The following ERICH2 variants were observed in gnomAD, a reference collection of about 807,000 sequenced individuals.
The protein encoded by ERICH2 is glutamate rich 2.
In ERICH2, 17 loss-of-function variants were observed where a neutral mutation model predicts 17.4. The ratio of observed to expected loss-of-function variants is 0.98; its 90% CI spans 0.67 to 1.47. The LOEUF is 1.47. ERICH2 is among the 40% of genes most tolerant of loss of function. ERICH2 has a pLI of 0.00. For missense variants in ERICH2, 186 were observed against 183.2 expected (o/e 1.01, Z -0.09); for synonymous variants, 51 against 61.1 (o/e 0.83, Z 0.77).
chr2:170,797,271 T>C (rs1210878361), intron 3 of ERICH2, among the ~76,000 whole-genome samples: 1 of 152,202 alleles, frequency 6.6e-6, no homozygotes, highest in Non-Finnish European at 1.5e-5. Context: ...AAACTTCCTC[T>C]GTGTTCCGAT....
At chr2:170,787,894 G>A (rs895086319) in intron 2 of ERICH2, among the ~76,000 whole-genome samples, 1 of 152,148 alleles carries the variant, frequency 6.6e-6, no homozygotes, top group African/African-American at 2.4e-5. Context: ...CTGTTGTCCA[G>A]TTTCTGAAAA....
intron 2 of ERICH2, among the ~76,000 whole-genome samples, chr2:170,788,045 T>C (rs2105703578): frequency 6.6e-6 from 1 of 152,348 alleles, no homozygotes; most frequent in South Asian, 2.1e-4. Context: ...CTTCTCTTCT[T>C]AGATAATTTA....
the ERICH2 span, among the ~76,000 whole-genome samples, chr2:170,775,413 CAG>C: frequency 5.3e-5 from 8 of 151,886 alleles, no homozygotes; most frequent in African/African-American, 1.7e-4. Context: ...GCCTGGGTGA[CAG>C]AGCGAGACTC....
chr2:170,797,941 C>A, intron 3 of ERICH2, 100 bp from the exon 9 acceptor site: 1 of 756,026 alleles, frequency 1.3e-6, no homozygotes, highest in South Asian at 1.6e-5. Context: ...TTGTGCCTTT[C>A]ACCTGCTCTG....
At chr2:170,791,984 T>C (rs1022228978) in intron 2 of ERICH2, among the ~76,000 whole-genome samples, 7 of 152,184 alleles carry the variant, frequency 4.6e-5, no homozygotes, top group African/African-American at 7.2e-5. Flanking sequence ...TACCTGCATG[T>C]GGTTCAGAAT....
intron 3 of ERICH2, among the ~76,000 whole-genome samples, chr2:170,797,531 C>T (rs1701457560): frequency 6.6e-6 from 1 of 152,150 alleles, no homozygotes; most frequent in Admixed American, 6.5e-5. Flanking sequence ...GGTGCAGTGT[C>T]TCATGCCTGT....
At chr2:170,771,820 G>A in the ERICH2 span, among the ~76,000 whole-genome samples, 1 of 152,076 alleles carries the variant, frequency 6.6e-6, no homozygotes, top group Middle Eastern at 3.2e-3. This position sits in a 1 kb window ranked among gnomAD's most constrained non-coding sequence, Gnocchi z 4.8. Context: ...TCTACACTGA[G>A]CCCCTGTGGC....
chr2:170,778,923 T>A (rs980475506), upstream of ERICH2, among the ~76,000 whole-genome samples: 2 of 152,116 alleles, frequency 1.3e-5, no homozygotes, highest in Non-Finnish European at 2.9e-5. Context: ...TCAGATGCAG[T>A]CTAGGCCAAA....
chr2:170,780,943 A>T (rs967059843), upstream of ERICH2, among the ~76,000 whole-genome samples: 9 of 152,206 alleles, frequency 5.9e-5, no homozygotes, highest in African/African-American at 2.2e-4. Flanking sequence ...AACTTTTCAT[A>T]TGTAGAGTTT....
intron 3 of ERICH2, among the ~76,000 whole-genome samples, chr2:170,793,310 C>T (rs745764858): frequency 4.6e-5 from 7 of 152,016 alleles, no homozygotes; most frequent in Non-Finnish European, 8.8e-5. Context: ...CTGTTCCAGG[C>T]ACTGGAAATA....
At chr2:170,797,661 G>A (rs1190573798) in intron 3 of ERICH2, among the ~76,000 whole-genome samples, 1 of 151,966 alleles carries the variant, frequency 6.6e-6, no homozygotes, top group East Asian at 1.9e-4. Context: ...AGCCAGGCGT[G>A]GTGGCACACA....
At chr2:170,794,581 T>C (rs1033339701) in intron 3 of ERICH2, among the ~76,000 whole-genome samples, 5 of 152,264 alleles carry the variant, frequency 3.3e-5, no homozygotes, top group African/African-American at 1.2e-4. Flanking sequence ...TCTGGTTCTT[T>C]GTTGAACTCT....
intron 2 of ERICH2, among the ~76,000 whole-genome samples, chr2:170,786,884 A>G (rs765900283): frequency 7.9e-5 from 12 of 151,782 alleles, no homozygotes; most frequent in Non-Finnish European, 1.8e-4. Context: ...GTTCATATTT[A>G]CCTCTGTTTT....
upstream of ERICH2, among the ~76,000 whole-genome samples, chr2:170,781,838 G>T (rs1485254201): frequency 8.5e-6 from 1 of 117,792 alleles, no homozygotes; most frequent in Non-Finnish European, 2.0e-5. Flanking sequence ...ATGTCCAAGG[G>T]CTAATATTAG....
chr2:170,775,857 A>G, the ERICH2 span: 1 of 55,186 alleles, frequency 1.8e-5, no homozygotes, highest in South Asian at 1.0e-3. Flanking sequence ...AAGGAGTTGG[A>G]TTTAAAAAAA....
upstream of ERICH2, among the ~76,000 whole-genome samples, chr2:170,779,343 A>C (rs182910063): frequency 4.6e-5 from 7 of 152,236 alleles, no homozygotes; most frequent in East Asian, 1.3e-3. Context: ...GGAAAACTAA[A>C]AGTTTTTTCT....
the ERICH2 span, among the ~76,000 whole-genome samples, chr2:170,773,005 G>C: frequency 1.3e-5 from 2 of 152,134 alleles, no homozygotes; most frequent in African/African-American, 4.8e-5. Context: ...TTTTATAAAA[G>C]GTGTTTTTGT....
rs1277802138 is a variant in ERICH2 at position 170,792,855 on chromosome 2, T to C, written c.217-8T>C. 15 of 1,497,534 alleles carry C rather than the reference T, an allele frequency of 1.0e-5. No individual in the cohort carries two copies. The highest frequency in any genetic ancestry group is 1.3e-5 in the Non-Finnish European group (15 of 1,116,004). The allele number at this position is 1,497,534 out of a possible 1,614,324, so 92.8% of individuals were successfully genotyped here. A position where few individuals can be genotyped will look rare whatever the true frequency, so the allele number is the denominator to read the frequency against. On this transcript the variant is annotated splice_polypyrimidine_tract_variant and splice_region_variant and intron_variant, in intron 2 of 4. Coordinates refer to ENST00000409885, the Ensembl canonical transcript of ERICH2. Reference sequence around the variant, plus strand: ...ATTCACTTATCTGAAGAATTTAATGTTTTCCAGTTTCTGAGAGCAGAAATG... The same window carrying C: ...ATTCACTTATCTGAAGAATTTAATGCTTTCCAGTTTCTGAGAGCAGAAATG...
At chr2:170,770,709 C>T in the ERICH2 span, 3,078 of 155,334 alleles carry the variant, frequency 0.02, 108 homozygotes, top group African/African-American at 0.07. Context: ...AACCTTCTTT[C>T]CTTCTTCGGC....
Sources: allele counts gnomAD v4.1 joint callset (sites outside exome capture counted in the v4.1 genomes callset), GRCh38; gene constraint gnomAD v4.1.1; non-coding constraint Gnocchi (gnomAD v3.1); transcripts MANE v1.5; gene names NCBI Gene and HGNC (gene_info 2026-07-23, HGNC 2026-07-21).